PTPRZ1: variants seen among roughly 807,000 people sequenced by gnomAD.
The protein encoded by PTPRZ1 is protein tyrosine phosphatase receptor type Z1.
A neutral mutation model predicts 214.1 loss-of-function variants in PTPRZ1; 82 were observed. That is an observed-to-expected ratio of 0.38 (90% confidence interval 0.32 to 0.46). The LOEUF (loss-of-function observed/expected upper bound fraction) is 0.46, where lower values mean the gene tolerates loss of function less well. Ranked by LOEUF, PTPRZ1 falls within the 20% of genes least tolerant of loss-of-function variation. The pLI is 1.00. For missense variants in PTPRZ1, 2,603 were observed against 2,748.7 expected (o/e 0.95, Z 1.19); for synonymous variants, 945 against 987.9 (o/e 0.96, Z 0.81).
intron 2 of PTPRZ1, among the ~76,000 whole-genome samples, chr7:121,967,207 G>A (rs1797071540): frequency 1.3e-5 from 2 of 152,240 alleles, no homozygotes; most frequent in African/African-American, 2.4e-5. Context: ...TGTGGAACAT[G>A]TGAAAATTTA....
At position 122,012,459 on chromosome 7, in the gene PTPRZ1, C is replaced by A; in HGVS notation, c.3413C>A (p.Thr1138Asn). The change falls in exon 12 of 30, where the codon ACT (threonine) becomes AAT (asparagine). Residue 1138 changes from threonine (T) to asparagine (N), a missense_variant. Thr to Asn is a moderately conservative substitution (Grantham distance 65, BLOSUM62 0). This residue lies in a region of PTPRZ1 where 1,913 missense variants were observed against 1,914.3 expected (regional missense o/e 1.00). Transcript: ENST00000393386. ...THTVSQASGD[T>N]SLKPVLSANS... ...ACTGTCTCTCAAGCATCTGGTGACA[C>A]TTCGCTTAAACCTGTGCTTAGTGCA... 1.2e-6 allele frequency: 2 copies of A among 1,613,722 alleles called. No individual in the cohort carries two copies. The highest frequency in any genetic ancestry group is 2.2e-5 in the South Asian group (2 of 91,080).
At chr7:121,949,515 T>G (rs1796491326) in intron 2 of PTPRZ1, among the ~76,000 whole-genome samples, 1 of 152,230 alleles carries the variant, frequency 6.6e-6, no homozygotes, top group Non-Finnish European at 1.5e-5. Context: ...CAACTCTAGG[T>G]GCTAAACTTT....
intron 1 of PTPRZ1, among the ~76,000 whole-genome samples, chr7:121,874,367 C>A (rs1277552509): frequency 1.3e-5 from 2 of 152,134 alleles, no homozygotes; most frequent in Admixed American, 1.3e-4. Context: ...CAGTCATTTT[C>A]GAGAAGTGCA....
At chr7:122,002,752 G>C (rs933363562) in intron 10 of PTPRZ1, among the ~76,000 whole-genome samples, 13 of 152,104 alleles carry the variant, frequency 8.5e-5, no homozygotes, top group African/African-American at 3.1e-4. Flanking sequence ...ACCTTCTTAG[G>C]CATGTTGAAA....
chr7:121,988,396 A>T (rs1797834713), intron 8 of PTPRZ1, among the ~76,000 whole-genome samples: 1 of 152,222 alleles, frequency 6.6e-6, no homozygotes, highest in African/African-American at 2.4e-5. Flanking sequence ...GATGAGTCTC[A>T]TCCATACAGT....
At chr7:121,937,137 G>A (rs1348878153) in intron 2 of PTPRZ1, among the ~76,000 whole-genome samples, 2 of 152,138 alleles carry the variant, frequency 1.3e-5, no homozygotes, top group Non-Finnish European at 2.9e-5. Context: ...ACAGCTGCAC[G>A]TATTCATTCT....
Position 122,036,631 on chromosome 7 carries a change from T to C in PTPRZ1, c.5316T>C (p.Leu1772=). Residue 1772 remains leucine (L), a synonymous_variant, in exon 18 of 30, where the codon CTT becomes CTC. Transcript: ENST00000393386. ...YDHSRVKLAQ[L]AEKDGKLTDY... ...ATAGCAGGGTTAAGCTAGCACAGCT[T>C]GCTGAAAAGGATGGCAAACTGACTG... 1 of 1,608,896 alleles carries C rather than the reference T, an allele frequency of 6.2e-7. No individual in the cohort carries two copies. Among genetic ancestry groups the C allele is most frequent in the Non-Finnish European group, 8.5e-7 (1 of 1,175,318 alleles).
intron 8 of PTPRZ1, among the ~76,000 whole-genome samples, chr7:121,986,680 A>G (rs1797770978): frequency 6.6e-6 from 1 of 152,216 alleles, no homozygotes; most frequent in Admixed American, 6.5e-5. Context: ...CATAGTAATA[A>G]TAATTTATTT....
At chr7:122,000,027 G>T (rs1584728301) in intron 10 of PTPRZ1, among the ~76,000 whole-genome samples, 1 of 152,198 alleles carries the variant, frequency 6.6e-6, no homozygotes, top group East Asian at 1.9e-4. Flanking sequence ...GTATAGTAAT[G>T]ATGTGTTAGT....
intron 1 of PTPRZ1, among the ~76,000 whole-genome samples, chr7:121,923,951 T>C (rs1795677076): frequency 6.6e-6 from 1 of 152,070 alleles, no homozygotes; most frequent in Non-Finnish European, 1.5e-5. Context: ...TCTGAAATAA[T>C]ATAAACCAAA....
intron 1 of PTPRZ1, among the ~76,000 whole-genome samples, chr7:121,914,058 G>C (rs541023292): frequency 4.9e-4 from 74 of 152,220 alleles, no homozygotes; most frequent in African/African-American, 1.7e-3. Context: ...TCATGCCTCT[G>C]ATCCCAGCAC....
chr7:122,057,969 TA>T (rs1792420060), intron 27 of PTPRZ1, among the ~76,000 whole-genome samples: 22 of 24,488 alleles, frequency 9.0e-4, no homozygotes, highest in Admixed American at 6.8e-3. Flanking sequence ...TGTGTGTGTG[TA>T]TATATATACA....
At chr7:121,908,077 C>T (rs1795168313) in intron 1 of PTPRZ1, among the ~76,000 whole-genome samples, 1 of 151,974 alleles carries the variant, frequency 6.6e-6, no homozygotes, top group African/African-American at 2.4e-5. Flanking sequence ...AAGCTCTAAC[C>T]AAATGTGTCA....
chr7:122,043,200 A>G (rs1799784070), intron 22 of PTPRZ1, among the ~76,000 whole-genome samples: 1 of 152,206 alleles, frequency 6.6e-6, no homozygotes, highest in Admixed American at 6.5e-5. Context: ...GGGGGACACC[A>G]TTCAACCCAT....
In PTPRZ1 at chr7:121,967,989, A is replaced by G. The variant is rs770563760; in HGVS notation, c.163A>G (p.Thr55Ala). Residue 55 changes from threonine to alanine, a missense_variant, in exon 3 of 30, where the codon ACA (threonine) becomes GCA (alanine). Around this residue, in one of 6 missense-constraint regions of PTPRZ1, gnomAD observed 141 missense variants for 143.7 expected, o/e 0.98. Transcript: ENST00000393386. ...NQKNWGKKYP[T>A]CNSPKQSPIN... is the part of the protein sequence containing the mutation. ...AAAAAATTGGGGAAAGAAATATCCA[A>G]CATGTAATAGCCCAAAACAATCTCC... 6.3e-7 allele frequency: 1 copy of G among 1,592,940 alleles called. No individual in the cohort carries two copies. Among genetic ancestry groups the G allele is most frequent in the Admixed American group, 1.7e-5 (1 of 58,728 alleles).
intron 2 of PTPRZ1, among the ~76,000 whole-genome samples, chr7:121,952,214 T>C (rs1158302062): frequency 6.6e-6 from 1 of 152,126 alleles, no homozygotes; most frequent in African/African-American, 2.4e-5. Context: ...GGCCTCGGCC[T>C]CCCAAAGTGC....
In PTPRZ1 at chr7:122,011,723, G is replaced by T; in HGVS notation, c.2677G>T (p.Gly893Cys). 1 of 1,614,122 alleles carries T rather than the reference G, an allele frequency of 6.2e-7. No individual in the cohort carries two copies. The highest frequency in any genetic ancestry group is 8.5e-7 in the Non-Finnish European group (1 of 1,180,030). The change falls in exon 12 of 30, where the codon GGT becomes TGT. Residue 893 changes from glycine to cysteine, a missense_variant. Physicochemically the swap from Gly to Cys is radical, Grantham distance 159 (BLOSUM62 -3). This residue lies in a region of PTPRZ1 where 1,913 missense variants were observed against 1,914.3 expected (regional missense o/e 1.00). Coordinates refer to ENST00000393386, the MANE Select transcript of PTPRZ1 (RefSeq NM_002851.3). ...THAASETLEF[G>C]SESGVLYKTL... ...TGCTGCTTCAGAGACGCTGGAATTT[G>T]GTAGTGAATCTGGTGTTCTTTATAA...
intron 1 of PTPRZ1, among the ~76,000 whole-genome samples, chr7:121,915,728 G>A (rs1260715381): frequency 6.6e-6 from 1 of 151,970 alleles, no homozygotes; most frequent in Admixed American, 6.6e-5. Context: ...AATAATATTT[G>A]CCATTAATGA....
Position 122,010,697 on chromosome 7 carries a change from A to T in PTPRZ1, c.1651A>T (p.Met551Leu). 6.2e-7 allele frequency: 1 copy of T among 1,613,990 alleles called. No individual in the cohort carries two copies. Among genetic ancestry groups the T allele is most frequent in the South Asian group, 1.1e-5 (1 of 91,052 alleles). Residue 551 changes from methionine (M) to leucine (L), a missense_variant, in exon 12 of 30, where the codon ATG (methionine) becomes TTG (leucine). By Grantham distance (15) the Met-to-Leu change is conservative (BLOSUM62 2). Coordinates refer to ENST00000393386, the MANE Select transcript of PTPRZ1 (RefSeq NM_002851.3). The stretch of plus-strand genomic sequence containing the variant: ...TAAAACTGTTCTTAGATCTCCACAT[A>T]TGAACTTGTCGGGGACTGCAGAATC... ...GSKTVLRSPHMNLSGTAESLN... is the reference protein window; with the variant it reads ...GSKTVLRSPHLNLSGTAESLN...
Sources: allele counts gnomAD v4.1 joint callset (sites outside exome capture counted in the v4.1 genomes callset), GRCh38; gene constraint gnomAD v4.1.1; regional missense constraint gnomAD v4.1.1; transcripts MANE v1.5; gene names NCBI Gene and HGNC (gene_info 2026-07-23, HGNC 2026-07-21).